PGM2L1: variants seen among roughly 807,000 people sequenced by gnomAD.
The protein encoded by PGM2L1 is glucose 1,6-bisphosphate synthase.
Under a neutral mutation model 73.4 loss-of-function variants are expected in PGM2L1, and 35 were observed. The ratio of observed to expected loss-of-function variants is 0.48; its 90% CI spans 0.36 to 0.63. The LOEUF (loss-of-function observed/expected upper bound fraction) is 0.63, where lower values mean the gene tolerates loss of function less well. Ranked by LOEUF, PGM2L1 falls within the 30% of genes least tolerant of loss-of-function variation. The pLI, the probability that PGM2L1 is intolerant of heterozygous loss-of-function variation, is 0.00. For missense variants in PGM2L1, 570 were observed against 742.0 expected, an observed-to-expected ratio of 0.77 and a Z score of 2.69; for synonymous variants, 225 against 253.8, an observed-to-expected ratio of 0.89 and a Z score of 1.08.
chr11:74,360,187 G>A (rs1862534207), intron 5 of PGM2L1, among the ~76,000 whole-genome samples: 1 of 151,776 alleles, frequency 6.6e-6, no homozygotes, highest in African/African-American at 2.4e-5. Context: ...CTGTGATTGT[G>A]CCACTGCACT....
rs769526671 is a variant in PGM2L1, at chr11:74,347,175, T to C, written c.912A>G (p.Pro304=). The change falls in exon 7 of 14, where the codon CCA becomes CCG. Residue 304 remains proline, a synonymous_variant. Transcript: ENST00000298198. ...GCACAGATTCTCCTTCTTCAGGATTTGGACATTTAACGGTAGAAAAGTCTG... is the reference window on the plus strand; with the variant it reads ...GCACAGATTCTCCTTCTTCAGGATTCGGACATTTAACGGTAGAAAAGTCTG... ...PDPDFSTVKC[P]NPEEGESVLE... 1 of 1,593,146 alleles carries C rather than the reference T, an allele frequency of 6.3e-7. No individual in the cohort carries two copies. The highest frequency in any genetic ancestry group is 1.2e-5 in the South Asian group (1 of 84,484).
chr11:74,333,211 A>G lies in PGM2L1; in HGVS notation c.*3441T>C, dbSNP rs1862040743. The stretch of plus-strand genomic sequence containing the variant: ...CTTAAAAATAAAAAAAAGATTTTGA[A>G]TAGAAGATATTATGAAGATTTCTCA... On this transcript the variant is annotated 3_prime_UTR_variant, in exon 14 of 14. Coordinates refer to ENST00000298198, the MANE Select transcript of PGM2L1 (RefSeq NM_173582.6). 6.6e-6 allele frequency: 1 copy of G among 152,158 alleles called. No homozygotes were observed. 9.4% of individuals were successfully genotyped at this position (152,158 alleles called of 1,614,324 possible).
At chr11:74,366,370 A>G (rs891405141) in intron 5 of PGM2L1, among the ~76,000 whole-genome samples, 1 of 151,764 alleles carries the variant, frequency 6.6e-6, no homozygotes, top group Admixed American at 6.6e-5. Context: ...AAAAAAAAAA[A>G]AAAAGAATCC....
At position 74,373,808 on chromosome 11, in the gene PGM2L1, A is replaced by C. The variant is rs369724055; in HGVS notation, c.279+607T>G. ...TTTCTTTGTATTAATTGGATATGCT[A>C]ATATACATTTCTTGGTTTCAAATGC... On this transcript the variant is annotated intron_variant, in intron 2 of 13. Coordinates refer to ENST00000298198, the MANE Select transcript of PGM2L1 (RefSeq NM_173582.6). Among the ~76,000 whole-genome samples the C allele has an allele frequency of 4.5e-4, 69 of 152,328 alleles. 1 individual carries two copies. The highest frequency in any genetic ancestry group is 1.6e-3 in the African/African-American group (66 of 41,574).
chr11:74,394,545 C>G (rs1321013819), intron 1 of PGM2L1, among the ~76,000 whole-genome samples: 1 of 152,168 alleles, frequency 6.6e-6, no homozygotes, highest in African/African-American at 2.4e-5. Flanking sequence ...TACACACACA[C>G]CTGTGTGTAT....
chr11:74,395,549 C>CCTTTTTTTTTTTTTTTTT (rs1218218679), intron 1 of PGM2L1, among the ~76,000 whole-genome samples: 2 of 64,918 alleles, frequency 3.1e-5, no homozygotes, highest in African/African-American at 1.4e-4. Flanking sequence ...CCTCGCCTGG[C>CCTTTTTTTTTTTTTTTTT]TTTTTTTTTT....
At chr11:74,390,072 T>C (rs1292451447) in intron 1 of PGM2L1, among the ~76,000 whole-genome samples, 1 of 146,772 alleles carries the variant, frequency 6.8e-6, no homozygotes, top group African/African-American at 2.5e-5. Context: ...TGAGCCGAGA[T>C]TGCGCCACTG....
intron 6 of PGM2L1, among the ~76,000 whole-genome samples, chr11:74,349,630 C>A (rs1317184588): frequency 6.6e-6 from 1 of 152,036 alleles, no homozygotes; most frequent in Admixed American, 6.6e-5. Flanking sequence ...ACAGTCTGGG[C>A]TTTAGGGGTA....
At chr11:74,394,388 C>A (rs1863144587) in intron 1 of PGM2L1, among the ~76,000 whole-genome samples, 1 of 152,196 alleles carries the variant, frequency 6.6e-6, no homozygotes, top group Admixed American at 6.5e-5. Flanking sequence ...GGTAGGCTAA[C>A]AAATTAGGCT....
intron 5 of PGM2L1, chr11:74,355,018 C>G (rs1231140498): frequency 2.2e-5 from 28 of 1,294,160 alleles, no homozygotes; most frequent in Non-Finnish European, 3.1e-5. Flanking sequence ...AGTGCTTCAT[C>G]CAGCCAAAGA....
At chr11:74,394,581 C>G (rs898923789) in intron 1 of PGM2L1, among the ~76,000 whole-genome samples, 1 of 152,152 alleles carries the variant, frequency 6.6e-6, no homozygotes, top group Non-Finnish European at 1.5e-5. Context: ...CATACTAAAG[C>G]CCTTCTATGA....
intron 9 of PGM2L1, among the ~76,000 whole-genome samples, chr11:74,343,864 C>T (rs980107320): frequency 9.4e-5 from 14 of 148,550 alleles, no homozygotes; most frequent in Admixed American, 6.8e-5. Context: ...CTGCAACCTC[C>T]GTCTCCCAGG....
intron 2 of PGM2L1, among the ~76,000 whole-genome samples, chr11:74,374,089 T>C (rs947108805): frequency 1.6e-5 from 2 of 122,040 alleles, no homozygotes; most frequent in Non-Finnish European, 3.6e-5. Context: ...TGAGAAAAAG[T>C]ACACTTTTTT....
At chr11:74,368,468 A>G (rs1192731831) in intron 5 of PGM2L1, 24 bp downstream of exon 5, 1 of 1,571,890 alleles carries the variant, frequency 6.4e-7, no homozygotes, top group Non-Finnish European at 8.8e-7. Context: ...TAAGATAAGC[A>G]AAGGTCAGGA....
rs1862083587 is a variant in PGM2L1 at position 74,335,571 on chromosome 11, A to T, written c.*1081T>A. 1 of 152,206 alleles carries T rather than the reference A, an allele frequency of 6.6e-6. No individual in the cohort carries two copies. Among genetic ancestry groups the T allele is most frequent in the South Asian group, 2.1e-4 (1 of 4,834 alleles). The allele number at this position is 152,206 out of a possible 1,614,324, so 9.4% of individuals were successfully genotyped here. A position where few individuals can be genotyped will look rare whatever the true frequency, so the allele number is the denominator to read the frequency against. On this transcript the variant is annotated 3_prime_UTR_variant, in exon 14 of 14. Transcript: ENST00000298198. ...TAGTTTTAGTATTTCATAATACTTA[A>T]AATTTGGATGTTTTATTCTTAGTAA...
At chr11:74,361,181 G>C (rs1328688023) in intron 5 of PGM2L1, among the ~76,000 whole-genome samples, 1 of 152,130 alleles carries the variant, frequency 6.6e-6, no homozygotes, top group Non-Finnish European at 1.5e-5. Context: ...ACACGGCCGG[G>C]TACCCCTCTG....
At chr11:74,382,080 CTTGA>C (rs200967680) in intron 1 of PGM2L1, among the ~76,000 whole-genome samples, 1,654 of 152,140 alleles carry the variant, frequency 0.011, 17 homozygotes, top group Middle Eastern at 0.034. Flanking sequence ...TCACCCAAAA[CTTGA>C]TTAAGAGTTT....
chr11:74,342,488 A>G lies in PGM2L1; in HGVS notation c.1605T>C (p.Tyr535=), dbSNP rs140901450. The G allele has an allele frequency of 1.9e-6, 3 of 1,548,208 alleles. No homozygotes were observed. Among genetic ancestry groups the G allele is most frequent in the Non-Finnish European group, 1.7e-6 (2 of 1,150,142 alleles). Reference sequence around the variant, plus strand: ...ATTTCTTATTAGGCTGGCTACTGTCATATCCAGTGGTAACGTCCCGTACAT... The same window carrying G: ...ATTTCTTATTAGGCTGGCTACTGTCGTATCCAGTGGTAACGTCCCGTACAT... ...ILHVRDVTTG[Y]DSSQPNKKSV... Residue 535 remains tyrosine (Y), a synonymous_variant, in exon 12 of 14, where the codon TAT becomes TAC. Coordinates refer to ENST00000298198, the MANE Select transcript of PGM2L1 (RefSeq NM_173582.6).
At chr11:74,396,092 A>C (rs1339252243) in intron 1 of PGM2L1, among the ~76,000 whole-genome samples, 1 of 151,788 alleles carries the variant, frequency 6.6e-6, no homozygotes, top group African/African-American at 2.4e-5. Context: ...TTTCTAAAAA[A>C]AAAAAAATTT....
Sources: gnomAD v4.1 joint callset for allele counts (sites outside exome capture counted in the v4.1 genomes callset) on GRCh38, gnomAD v4.1.1 for gene constraint, MANE v1.5 for transcripts, NCBI Gene and HGNC (gene_info 2026-07-23, HGNC 2026-07-21) for gene names.